Variants in STPG2 observed in about 807,000 individuals in gnomAD.
STPG2 encodes sperm-tail PG-rich repeat-containing protein 2.
Under a neutral mutation model 54.2 loss-of-function variants are expected in STPG2, and 56 were observed. The observed-to-expected ratio is 1.03, with a 90% CI of 0.83 to 1.29. The LOEUF (loss-of-function observed/expected upper bound fraction) is 1.29. Among genes scored for constraint, STPG2 ranks in the 50% most tolerant of loss-of-function variants. The pLI is 0.00. For synonymous variants in STPG2, 200 were observed against 181.8 expected, an observed-to-expected ratio of 1.10 and a Z score of -0.81; for missense variants, 596 against 544.9, an observed-to-expected ratio of 1.09 and a Z score of -0.93.
chr4:97,840,771 A>C lies in STPG2; in HGVS notation c.1204+2T>G, dbSNP rs1197661786. The C allele has an allele frequency of 5.6e-6, 9 of 1,610,506 alleles. No individual in the cohort carries two copies. The highest frequency in any genetic ancestry group is 6.8e-6 in the Non-Finnish European group (8 of 1,177,872). ...TAGCTTTATAAGGACTTCTAGACTTACCTGGCCCATCAGTCACTTTTTCTA... is the reference window on the plus strand; with the variant it reads ...TAGCTTTATAAGGACTTCTAGACTTCCCTGGCCCATCAGTCACTTTTTCTA... On this transcript the variant is annotated splice_donor_variant, in intron 9 of 10. Transcript: ENST00000295268. LOFTEE classifies it high-confidence loss of function.
At chr4:98,005,967 A>G (rs1312418450) in intron 5 of STPG2, among the ~76,000 whole-genome samples, 3 of 152,212 alleles carry the variant, frequency 2.0e-5, no homozygotes, top group East Asian at 1.9e-4. Context: ...AATGTTTACT[A>G]TCATTCACCA....
chr4:97,741,326 C>A (rs1404995898), intron 9 of STPG2, among the ~76,000 whole-genome samples: 1 of 152,084 alleles, frequency 6.6e-6, no homozygotes, highest in Non-Finnish European at 1.5e-5. Flanking sequence ...GTCTAAAACA[C>A]CAAAAGCAAT....
chr4:97,942,165 T>C (rs1190380347), intron 8 of STPG2, among the ~76,000 whole-genome samples: 1 of 147,724 alleles, frequency 6.8e-6, no homozygotes, highest in Non-Finnish European at 1.5e-5. Flanking sequence ...TTAAAACGTA[T>C]CTATACATAT....
intron 9 of STPG2, among the ~76,000 whole-genome samples, chr4:97,713,564 T>C (rs1724198039): frequency 6.6e-6 from 1 of 152,220 alleles, no homozygotes; most frequent in Non-Finnish European, 1.5e-5. Context: ...TCTGGCAGAT[T>C]CTTGATTCTC....
chr4:97,981,136 A>G (rs780878638), intron 6 of STPG2, 23 bp downstream of exon 6: 4 of 1,610,776 alleles, frequency 2.5e-6, no homozygotes, highest in Admixed American at 3.4e-5. Context: ...CAAAGAGTAG[A>G]CATATATAGA....
At chr4:98,023,824 C>A (rs1736319698) in intron 5 of STPG2, among the ~76,000 whole-genome samples, 1 of 152,192 alleles carries the variant, frequency 6.6e-6, no homozygotes, top group Admixed American at 6.5e-5. Flanking sequence ...GTTGTAGGAC[C>A]CTCCGAGCCA....
intron 7 of STPG2, among the ~76,000 whole-genome samples, chr4:97,959,823 G>A (rs1350291956): frequency 6.6e-6 from 1 of 152,000 alleles, no homozygotes; most frequent in Non-Finnish European, 1.5e-5. Context: ...TAGAGAAAGA[G>A]GGAAACCTCT....
At chr4:98,138,873 A>G (rs1459763807) in intron 1 of STPG2, among the ~76,000 whole-genome samples, 1 of 152,120 alleles carries the variant, frequency 6.6e-6, no homozygotes, top group African/African-American at 2.4e-5. Context: ...ACTAATAGAG[A>G]ACCAATAGAT....
chr4:97,962,282 C>T (rs1435077842), intron 7 of STPG2, among the ~76,000 whole-genome samples: 1 of 151,998 alleles, frequency 6.6e-6, no homozygotes, highest in Non-Finnish European at 1.5e-5. Flanking sequence ...GATGGATGCA[C>T]CAAATCTCAC....
At chr4:98,013,973 G>A (rs906758323) in intron 5 of STPG2, among the ~76,000 whole-genome samples, 1 of 151,764 alleles carries the variant, frequency 6.6e-6, no homozygotes, top group Non-Finnish European at 1.5e-5. Context: ...ATCTCTTTCA[G>A]TTCTGCTCTG....
At chr4:97,632,297 T>TA (rs200108610) in intron 10 of STPG2, among the ~76,000 whole-genome samples, 2,771 of 151,088 alleles carry the variant, frequency 0.018, 79 homozygotes, top group African/African-American at 0.064. Context: ...TTTTTTTTTT[T>TA]TTATTTCTGA....
chr4:97,490,047 C>A (rs1466201756), intron 4 of STPG2: 1 of 151,164 alleles, frequency 6.6e-6, no homozygotes, highest in East Asian at 1.9e-4. Context: ...ATTTATTTTC[C>A]CACCTCTGTG....
chr4:97,517,849 G>A (rs116048143), intron 4 of STPG2, among the ~76,000 whole-genome samples: 1,619 of 152,078 alleles, frequency 0.011, 33 homozygotes, highest in African/African-American at 0.037. Flanking sequence ...ATTTCAATAT[G>A]CTGCTACCTT....
Position 97,462,484 on chromosome 4 carries a change from TA to T in STPG2, c.462+250214del, listed in dbSNP as rs545086490. ...TAATTGGGATTACATTGAATTTATT[TA>T]AAGGTCAATTTTTGGAAAACTAGCA... On this transcript the variant is annotated intron_variant, in intron 4 of 4. Transcript: ENST00000522676. Among the ~76,000 whole-genome samples, 636 of 152,204 alleles carry T rather than the reference TA, an allele frequency of 4.2e-3. 3 individuals carry two copies. Among genetic ancestry groups the T allele is most frequent in the South Asian group, 0.02 (98 of 4,830 alleles).
intron 9 of STPG2, among the ~76,000 whole-genome samples, chr4:97,799,891 C>CT (rs1178940801): frequency 6.6e-6 from 1 of 152,110 alleles, no homozygotes; most frequent in Non-Finnish European, 1.5e-5. Context: ...TCTTTTTACC[C>CT]TTTTTTCTCT....
intron 9 of STPG2, among the ~76,000 whole-genome samples, chr4:97,800,530 C>T (rs868582957): frequency 5.9e-5 from 9 of 152,188 alleles, no homozygotes; most frequent in Non-Finnish European, 1.2e-4. Context: ...GCTGCCTGAT[C>T]GTTCCTCTGG....
At chr4:97,561,184 C>A (rs1363009913) in intron 10 of STPG2, among the ~76,000 whole-genome samples, 3 of 152,194 alleles carry the variant, frequency 2.0e-5, no homozygotes, top group Non-Finnish European at 4.4e-5. Context: ...TTTTGATTTG[C>A]ATTTCTCTGA....
intron 8 of STPG2, among the ~76,000 whole-genome samples, chr4:97,858,678 C>A (rs994756680): frequency 6.6e-6 from 1 of 152,286 alleles, no homozygotes; most frequent in Admixed American, 6.5e-5. Flanking sequence ...AGTTACTTCA[C>A]CTAGAATAAT....
intron 10 of STPG2, among the ~76,000 whole-genome samples, chr4:97,688,725 G>A (rs1723275354): frequency 6.6e-6 from 1 of 152,130 alleles, no homozygotes; most frequent in South Asian, 2.1e-4. Context: ...AATGAAATTA[G>A]TGGATGTACA....
Sources: gnomAD v4.1 joint callset for allele counts (sites outside exome capture counted in the v4.1 genomes callset) on GRCh38, gnomAD v4.1.1 for gene constraint, MANE v1.5 for transcripts, NCBI Gene and HGNC (gene_info 2026-07-23, HGNC 2026-07-21) for gene names.